Variants in MDGA1 observed in about 807,000 individuals in gnomAD.
The protein encoded by MDGA1 is MAM domain-containing glycosylphosphatidylinositol anchor protein 1.
Under a neutral mutation model 101.5 loss-of-function variants are expected in MDGA1, and 54 were observed. The ratio of observed to expected loss-of-function variants is 0.53; its 90% CI spans 0.43 to 0.67. MDGA1 has a LOEUF of 0.67. MDGA1 is among the 30% of genes least tolerant of loss of function. The pLI, the probability that MDGA1 is intolerant of heterozygous loss-of-function variation, is 0.00. For missense variants in MDGA1, 1,083 were observed against 1,323.8 expected, an observed-to-expected ratio of 0.82 and a Z score of 2.82; for synonymous variants, 533 against 558.3, an observed-to-expected ratio of 0.95 and a Z score of 0.64.
At chr6:37,640,961 G>A (rs1046756215) in intron 14 of MDGA1, among the ~76,000 whole-genome samples, 1 of 152,164 alleles carries the variant, frequency 6.6e-6, no homozygotes, top group African/African-American at 2.4e-5. Flanking sequence ...TGCTGGCACA[G>A]CCTCTCAAGG....
intron 1 of MDGA1, among the ~76,000 whole-genome samples, chr6:37,685,655 C>G (rs1299628188): frequency 6.6e-6 from 1 of 152,174 alleles, no homozygotes; most frequent in Non-Finnish European, 1.5e-5. Flanking sequence ...CACCTGCTAG[C>G]AGAGAGAGGT....
chr6:37,638,825 G>T lies in MDGA1; in HGVS notation c.2537-158C>A. The T allele has an allele frequency of 1.1e-6, 1 of 884,494 alleles. No homozygotes were observed. The highest frequency in any genetic ancestry group is 1.7e-6 in the Non-Finnish European group (1 of 588,622). 54.8% of individuals were successfully genotyped at this position (884,494 alleles called of 1,614,324 possible). On this transcript the variant is annotated intron_variant, in intron 14 of 16. Coordinates refer to ENST00000434837, the MANE Select transcript of MDGA1 (RefSeq NM_153487.4). This position sits in a 1 kb window ranked among gnomAD's most constrained non-coding sequence, Gnocchi z 4.8. ...CAGCTGGGTGCAATGTCCCATTCCT[G>T]CAGGGACACCCTCAGTGTGGGAAAG...
At chr6:37,675,344 GGGTT>G in intron 1 of MDGA1, among the ~76,000 whole-genome samples, 1 of 152,290 alleles carries the variant, frequency 6.6e-6, no homozygotes, top group South Asian at 2.1e-4. Flanking sequence ...GATAACTTTT[GGGTT>G]GTTGTGAGGA....
chr6:37,659,641 A>G (rs3846877), intron 2 of MDGA1, among the ~76,000 whole-genome samples: 128,144 of 152,066 alleles, frequency 0.84, 54,406 homozygotes, highest in East Asian at 1. Context: ...CCTGATCCTC[A>G]TGAACAGGTC....
chr6:37,649,870 A>ATT, intron 8 of MDGA1: 6 of 635,360 alleles, frequency 9.4e-6, no homozygotes, highest in South Asian at 3.3e-5. Context: ...AAATCAAGTA[A>ATT]TTTTTTTTTT....
chr6:37,633,730 C>A lies in MDGA1; in HGVS notation c.*3638G>T, dbSNP rs1191240980. 6.6e-6 allele frequency: 1 copy of A among 152,412 alleles called. No homozygotes were observed. Among genetic ancestry groups the A allele is most frequent in the Non-Finnish European group, 1.5e-5 (1 of 68,206 alleles). 9.4% of individuals were successfully genotyped at this position (152,412 alleles called of 1,614,324 possible). The stretch of plus-strand genomic sequence containing the variant: ...CCAGCAACATCTATAACATCCCCAC[C>A]GGCACCCTGGACACAGGACTGTTAG... On this transcript the variant is annotated 3_prime_UTR_variant, in exon 17 of 17. Coordinates refer to ENST00000434837, the MANE Select transcript of MDGA1 (RefSeq NM_153487.4).
At position 37,644,590 on chromosome 6, in the gene MDGA1, T is replaced by G. The variant is rs1581846651; in HGVS notation, c.2308A>C (p.Asn770His). The G allele has an allele frequency of 6.2e-7, 1 of 1,609,546 alleles. No individual in the cohort carries two copies. The highest frequency in any genetic ancestry group is 1.7e-5 in the Admixed American group (1 of 59,454). ...GCATTCTGCCGCGTCCAGTCAAAGT[T>G]GTCTGTCAGGTCCTGGGTATAGCCA... ...ICGYTQDLTD[N>H]FDWTRQNALT... The change falls in exon 13 of 17, where the codon AAC becomes CAC. Residue 770 changes from asparagine (N) to histidine (H), a missense_variant. Physicochemically the swap from Asn to His is moderately conservative, Grantham distance 68. This residue lies in a region of MDGA1 where 657 missense variants were observed against 771.4 expected (regional missense o/e 0.85). Transcript: ENST00000434837.
intron 8 of MDGA1, 119 bp from the exon 9 acceptor site, chr6:37,649,385 C>T: frequency 7.2e-7 from 1 of 1,385,086 alleles, no homozygotes. Context: ...GGAAAAATCC[C>T]AGGGCGGATG....
chr6:37,695,935 C>T (rs1762407902), intron 1 of MDGA1, among the ~76,000 whole-genome samples: 1 of 152,174 alleles, frequency 6.6e-6, no homozygotes, highest in Non-Finnish European at 1.5e-5. Context: ...TGGGAAAACC[C>T]ACAGGATGGA....
rs199598893 is a variant in MDGA1 at position 37,646,219 on chromosome 6, G to T, written c.2203C>A (p.Arg735Ser). The part of the protein sequence containing the change: ...TTFGAGDMAS[R>S]IIHYTEPINS... ...CTACGCTCTGTGTAGTGGATGATGC[G>T]GGAGGCCATGTCACCAGCCCCGAAG... The change falls in exon 11 of 17, where the codon CGC becomes AGC. Residue 735 changes from arginine to serine, a missense_variant. Arg to Ser is a moderately radical substitution (Grantham distance 110). Coordinates refer to ENST00000434837, the MANE Select transcript of MDGA1 (RefSeq NM_153487.4). 6.3e-7 allele frequency: 1 copy of T among 1,587,566 alleles called. No individual in the cohort carries two copies. Among genetic ancestry groups the T allele is most frequent in the East Asian group, 2.3e-5 (1 of 44,390 alleles).
At chr6:37,658,468 G>C in intron 2 of MDGA1, 49 bp from the exon 3 acceptor site, 1 of 1,547,824 alleles carries the variant, frequency 6.5e-7, no homozygotes, top group South Asian at 1.2e-5. Flanking sequence ...CACACGGGGT[G>C]GGGGCCTCAG....
At chr6:37,677,760 T>G (rs1762011194) in intron 1 of MDGA1, among the ~76,000 whole-genome samples, 1 of 152,176 alleles carries the variant, frequency 6.6e-6, no homozygotes, top group Non-Finnish European at 1.5e-5. Flanking sequence ...TGAGAGCTGG[T>G]GGGGCCTTGG....
intron 2 of MDGA1, among the ~76,000 whole-genome samples, chr6:37,661,850 A>C (rs1022868675): frequency 6.6e-6 from 1 of 152,100 alleles, no homozygotes; most frequent in Non-Finnish European, 1.5e-5. Flanking sequence ...TCTGGTAGCA[A>C]AGTGCAGGAA....
chr6:37,644,391 T>A lies in MDGA1; in HGVS notation c.2401+106A>T, dbSNP rs1244770900. 7 of 1,206,116 alleles carry A rather than the reference T, an allele frequency of 5.8e-6. No individual in the cohort carries two copies. The East Asian group carries it at 8.5e-5, about 15-fold the overall frequency. 74.7% of individuals were successfully genotyped at this position (1,206,116 alleles called of 1,614,324 possible). ...AGCTCCCTGAGAACAGGGCTGCGTC[T>A]CCCTCAGACTGGAGCCGTCTCCCTT... On this transcript the variant is annotated intron_variant, in intron 13 of 16. Transcript: ENST00000434837.
At chr6:37,684,955 G>A (rs992094346) in intron 1 of MDGA1, among the ~76,000 whole-genome samples, 5 of 152,076 alleles carry the variant, frequency 3.3e-5, no homozygotes, top group African/African-American at 4.8e-5. Flanking sequence ...ATCTCTATCT[G>A]CCCAGTATCC....
chr6:37,658,131 G>C (rs1761533462), intron 3 of MDGA1, 114 bp downstream of exon 3: 18 of 1,246,354 alleles, frequency 1.4e-5, no homozygotes, highest in Non-Finnish European at 1.9e-5. Context: ...CTCCACCAAG[G>C]TCAGCTTCTC....
chr6:37,680,534 G>A (rs1253928177), intron 1 of MDGA1, among the ~76,000 whole-genome samples: 1 of 152,254 alleles, frequency 6.6e-6, no homozygotes, highest in East Asian at 1.9e-4. Context: ...GGCAGCACTA[G>A]TCCAGTGCCC....
intron 8 of MDGA1, among the ~76,000 whole-genome samples, chr6:37,649,597 G>T (rs749852305): frequency 6.6e-6 from 1 of 152,088 alleles, no homozygotes; most frequent in Non-Finnish European, 1.5e-5. Flanking sequence ...TCTAAAGCTA[G>T]ATGGGCTGGG....
chr6:37,665,791 T>C (rs557900291), intron 1 of MDGA1, among the ~76,000 whole-genome samples: 2 of 152,350 alleles, frequency 1.3e-5, no homozygotes, highest in East Asian at 3.9e-4. Flanking sequence ...TTGTGGTGCA[T>C]TTAAACGTTG....
Sources: allele counts gnomAD v4.1 joint callset (sites outside exome capture counted in the v4.1 genomes callset), GRCh38; gene constraint gnomAD v4.1.1; regional missense constraint gnomAD v4.1.1; non-coding constraint Gnocchi (gnomAD v3.1); transcripts MANE v1.5; gene names NCBI Gene and HGNC (gene_info 2026-07-23, HGNC 2026-07-21).